Variants in ATRNL1 observed in about 807,000 individuals in gnomAD.
ATRNL1 encodes attractin-like protein 1.
A neutral mutation model predicts 182.7 loss-of-function variants in ATRNL1; 95 were observed. That is an observed-to-expected ratio of 0.52 (90% CI 0.44 to 0.62). The LOEUF (loss-of-function observed/expected upper bound fraction) is 0.62, where lower values mean the gene tolerates loss of function less well. Ranked by LOEUF, ATRNL1 falls within the 20% of genes least tolerant of loss-of-function variation. ATRNL1 has a pLI of 0.00. For synonymous variants in ATRNL1, 576 were observed against 568.3 expected (o/e 1.01, Z -0.19); for missense variants, 1,471 against 1,679.5 (o/e 0.88, Z 2.17).
At chr10:115,286,554 A>G (rs1554919034) in intron 15 of ATRNL1, among the ~76,000 whole-genome samples, 157 bp downstream of exon 15, 1 of 151,922 alleles carries the variant, frequency 6.6e-6, no homozygotes, top group African/African-American at 2.4e-5. Flanking sequence ...TATTTTGTAT[A>G]AGTAATAAGG....
At chr10:115,097,594 G>A (rs141829111) in intron 1 of ATRNL1, among the ~76,000 whole-genome samples, 1 of 152,074 alleles carries the variant, frequency 6.6e-6, no homozygotes, top group African/African-American at 2.4e-5. Context: ...AAAACGGGCA[G>A]AATAAAGTGT....
intron 13 of ATRNL1, among the ~76,000 whole-genome samples, chr10:115,275,251 G>T (rs374965143): frequency 6.6e-6 from 1 of 152,162 alleles, no homozygotes; most frequent in Non-Finnish European, 1.5e-5. Flanking sequence ...TTGGGACCCA[G>T]TGGGCCCACT....
chr10:115,468,463 A>G (rs1848159479), intron 23 of ATRNL1, among the ~76,000 whole-genome samples: 1 of 150,852 alleles, frequency 6.6e-6, no homozygotes, highest in Non-Finnish European at 1.5e-5. Flanking sequence ...TAAAAATTCA[A>G]TTACGCAGTA....
intron 26 of ATRNL1, among the ~76,000 whole-genome samples, chr10:115,566,429 A>G (rs1487086326): frequency 6.6e-6 from 1 of 152,150 alleles, no homozygotes; most frequent in African/African-American, 2.4e-5. Flanking sequence ...CCTTTAGATA[A>G]TTAGTAATTT....
intron 1 of ATRNL1, among the ~76,000 whole-genome samples, chr10:115,098,522 C>T (rs1225607677): frequency 7.5e-6 from 1 of 133,224 alleles, no homozygotes; most frequent in Admixed American, 8.8e-5. Context: ...AGTGCAGTGG[C>T]GCAATCTCGG....
At position 115,374,489 on chromosome 10, in the gene ATRNL1, T is replaced by TTCCTTCCTTCC. The variant is rs1333570942; in HGVS notation, c.3176-20169_3176-20168insCCTTCCTTCCT. On this transcript the variant is annotated intron_variant, in intron 19 of 28. Transcript: ENST00000355044. ...CCTTCCTTCCTTCCTTCCTTCCTTC[T>TTCCTTCCTTCC]TTCCTTCCTTTCTTCCTCCTTCTTC... Among the ~76,000 whole-genome samples, 964 of 96,558 alleles carry TTCCTTCCTTCC rather than the reference T, an allele frequency of 1.0e-2. 12 individuals carry two copies. The highest frequency in any genetic ancestry group is 0.04 in the African/African-American group (914 of 23,038). 63.3% of individuals were successfully genotyped at this position (96,558 alleles called of 152,430 possible). A position where few individuals can be genotyped will look rare whatever the true frequency, so the allele number is the denominator to read the frequency against.
intron 8 of ATRNL1, among the ~76,000 whole-genome samples, chr10:115,191,011 C>A (rs1554889738): frequency 6.6e-6 from 1 of 151,988 alleles, no homozygotes. Flanking sequence ...TTAACATTGC[C>A]CTTCAGTTTC....
At chr10:115,532,066 G>A (rs1337847561) in intron 25 of ATRNL1, among the ~76,000 whole-genome samples, 1 of 151,246 alleles carries the variant, frequency 6.6e-6, no homozygotes, top group Non-Finnish European at 1.5e-5. Context: ...GTAGTGTGAT[G>A]CCTCCAGCTT....
intron 8 of ATRNL1, among the ~76,000 whole-genome samples, chr10:115,176,396 A>T (rs1415282976): frequency 2.6e-5 from 4 of 151,970 alleles, no homozygotes; most frequent in African/African-American, 9.7e-5. Context: ...ATGTCCTGTG[A>T]ATTGTTTTGG....
chr10:115,316,577 GT>G (rs1437830750), intron 18 of ATRNL1, among the ~76,000 whole-genome samples: 134 of 149,614 alleles, frequency 9.0e-4, no homozygotes, highest in African/African-American at 3.1e-3. Flanking sequence ...AACATCTATT[GT>G]TTCTTGACTT....
intron 1 of ATRNL1, 67 bp downstream of exon 1, chr10:115,094,110 C>CT: frequency 7.7e-7 from 1 of 1,290,546 alleles, no homozygotes; most frequent in Non-Finnish European, 9.9e-7. Context: ...TTCCCCGCCC[C>CT]CCTCGCGGCC....
chr10:115,153,679 C>G (rs1846358088), intron 5 of ATRNL1, among the ~76,000 whole-genome samples: 1 of 151,984 alleles, frequency 6.6e-6, no homozygotes, highest in Admixed American at 6.6e-5. Flanking sequence ...CTCCTGGATT[C>G]ATTGATTTTT....
chr10:115,637,629 A>ATTATTATTATTATTC (rs1858969337), intron 26 of ATRNL1, among the ~76,000 whole-genome samples: 1 of 147,854 alleles, frequency 6.8e-6, no homozygotes, highest in Non-Finnish European at 1.5e-5. Flanking sequence ...TATTATTATT[A>ATTATTATTATTATTC]TTATTATTAT....
chr10:115,887,722 C>A (rs1243835615), intron 28 of ATRNL1, among the ~76,000 whole-genome samples: 3 of 151,208 alleles, frequency 2.0e-5, no homozygotes, highest in Non-Finnish European at 2.9e-5. Flanking sequence ...CAGTGAGTGG[C>A]ATCACCATCC....
intron 25 of ATRNL1, among the ~76,000 whole-genome samples, chr10:115,520,956 C>T (rs782364739): frequency 6.6e-5 from 10 of 152,166 alleles, no homozygotes; most frequent in Middle Eastern, 6.8e-3. Context: ...AAAGTGCATT[C>T]GTACTTTAAA....
chr10:115,598,558 T>C (rs1459256629), intron 26 of ATRNL1, among the ~76,000 whole-genome samples: 1 of 151,716 alleles, frequency 6.6e-6, no homozygotes, highest in East Asian at 1.9e-4. Flanking sequence ...GAGACGGGGT[T>C]TCACCATGTT....
intron 26 of ATRNL1, among the ~76,000 whole-genome samples, chr10:115,691,439 AGGCCAGGCGTGAT>A (rs1555048174): frequency 1.3e-5 from 2 of 152,158 alleles, no homozygotes; most frequent in Non-Finnish European, 1.5e-5. Context: ...ATATCTATTC[AGGCCAGGCGTGAT>A]GGCTCACGCC....
chr10:115,583,123 G>C (rs1855244322), intron 26 of ATRNL1, among the ~76,000 whole-genome samples: 2 of 150,142 alleles, frequency 1.3e-5, no homozygotes, highest in African/African-American at 4.9e-5. Flanking sequence ...TTTGGTACCA[G>C]TACCATGCTG....
intron 26 of ATRNL1, among the ~76,000 whole-genome samples, chr10:115,556,205 TTA>T (rs1853306092): frequency 6.6e-6 from 1 of 152,112 alleles, no homozygotes; most frequent in African/African-American, 2.4e-5. Flanking sequence ...AACACAGTAC[TTA>T]TTCAACTATT....
Sources: gnomAD v4.1 joint callset for allele counts (sites outside exome capture counted in the v4.1 genomes callset) on GRCh38, gnomAD v4.1.1 for gene constraint, MANE v1.5 for transcripts, NCBI Gene and HGNC (gene_info 2026-07-23, HGNC 2026-07-21) for gene names.